The following ZFYVE19 variants were observed in gnomAD, a reference collection of about 807,000 sequenced individuals.
ZFYVE19 encodes abscission/NoCut checkpoint regulator.
A neutral mutation model predicts 62.8 loss-of-function variants in ZFYVE19; 49 were observed. That is an observed-to-expected ratio of 0.78 (90% confidence interval 0.62 to 0.99). ZFYVE19 has a LOEUF of 0.99. Among genes scored for constraint, ZFYVE19 ranks in the 50% least tolerant of loss-of-function variants. ZFYVE19 has a pLI of 0.00. For synonymous variants in ZFYVE19, 242 were observed against 234.3 expected, an observed-to-expected ratio of 1.03 and a Z score of -0.30; for missense variants, 630 against 601.9, an observed-to-expected ratio of 1.05 and a Z score of -0.49.
rs1283208476 is a variant in ZFYVE19 at position 40,814,248 on chromosome 15, A to G, written c.*22A>G. ...CTGAAGACACCCTGGTCCTCCCGGA[A>G]GGGCAGTCCCACAGGCAGCGGCACC... is the stretch of plus-strand genomic sequence containing the variant. On this transcript the variant is annotated 3_prime_UTR_variant, in exon 11 of 11. Transcript: ENST00000355341. 2.5e-6 allele frequency: 4 copies of G among 1,613,576 alleles called. No homozygotes were observed. The highest frequency in any genetic ancestry group is 3.4e-6 in the Non-Finnish European group (4 of 1,179,932).
Position 40,812,900 on chromosome 15 carries a change from G to T in ZFYVE19, c.1028G>T (p.Arg343Ile). The change falls in exon 7 of 11, where the codon AGA becomes ATA. Residue 343 changes from arginine (R) to isoleucine (I), a missense_variant and splice_region_variant. Coordinates refer to ENST00000355341, the MANE Select transcript of ZFYVE19 (RefSeq NM_001077268.2). ...LAMLRGQDPE[R>I]VTLQDYRLPD... is the part of the protein sequence containing the mutation. ...ATGCTGCGGGGACAGGACCCCGAGA[G>T]AGGTGAAGGCTGGGGAGCAGCTGCT... 6.2e-7 allele frequency: 1 copy of T among 1,610,086 alleles called. No individual in the cohort carries two copies.
At position 40,807,644 on chromosome 15, in the gene ZFYVE19, A is replaced by C; in HGVS notation, c.55A>C (p.Arg19=). 5 of 1,613,002 alleles carry C rather than the reference A, an allele frequency of 3.1e-6. No homozygotes were observed. The South Asian group carries it at 4.4e-5, about 14-fold the overall frequency. The change falls in exon 1 of 11, where the codon AGG becomes CGG. Residue 19 remains arginine, a synonymous_variant. Transcript: ENST00000355341. The part of the protein sequence containing the change: ...PLPPLPYAGC[R]RASGFPALGR... ...GCCGCCGCTGCCGTACGCTGGCTGC[A>C]GGAGAGCGTCCGGATTCCCTGCTCT...
chr15:40,814,108 G>A (rs1349586050), intron 10 of ZFYVE19, 38 bp downstream of exon 10: 1 of 1,614,186 alleles, frequency 6.2e-7, no homozygotes, highest in East Asian at 2.2e-5. Flanking sequence ...AGAGCTCAAG[G>A]GCTGCCTGGA....
chr15:40,814,021 C>G lies in ZFYVE19; in HGVS notation c.1288C>G (p.Leu430Val). 6.2e-7 allele frequency: 1 copy of G among 1,614,024 alleles called. No individual in the cohort carries two copies. The highest frequency in any genetic ancestry group is 8.5e-7 in the Non-Finnish European group (1 of 1,179,936). Residue 430 changes from leucine to valine, a missense_variant, in exon 10 of 11, where the codon CTA becomes GTA. Physicochemically the swap from Leu to Val is conservative, Grantham distance 32. Coordinates refer to ENST00000355341, the MANE Select transcript of ZFYVE19 (RefSeq NM_001077268.2). ...WCCICNEDATLRCAGCDGDLF... is the reference protein window; with the variant it reads ...WCCICNEDATVRCAGCDGDLF... ...CTGCATCTGCAATGAGGATGCCACC[C>G]TACGCTGCGCTGGCTGCGATGGGGA...
At position 40,807,767 on chromosome 15, in the gene ZFYVE19, G is replaced by A. The variant is rs1040774267; in HGVS notation, c.178G>A (p.Gly60Ser). Residue 60 changes from glycine to serine, a missense_variant, in exon 1 of 11, where the codon GGC (glycine) becomes AGC (serine). Transcript: ENST00000355341. ...TGAGGGTCCAAGGGGCCCAGGACTTGGCCGGCGTGATCTCAGCTCTGCAGA... is the reference window on the plus strand; with the variant it reads ...TGAGGGTCCAAGGGGCCCAGGACTTAGCCGGCGTGATCTCAGCTCTGCAGA... ...WGEGPRGPGL[G>S]RRDLSSADPA... The A allele has an allele frequency of 6.3e-7, 1 of 1,584,870 alleles. No individual in the cohort carries two copies.
Position 40,807,411 on chromosome 15 carries a change from C to G in ZFYVE19, c.-179C>G. 1 of 1,614,262 alleles carries G rather than the reference C, an allele frequency of 6.2e-7. No homozygotes were observed. Among genetic ancestry groups the G allele is most frequent in the Non-Finnish European group, 8.5e-7 (1 of 1,180,048 alleles). ...TCTCCTCAATGCCTAGCAGCGCGTACAGGTCCATCTGTAAGAGCTCCTTGG... is the reference window on the plus strand; with the variant it reads ...TCTCCTCAATGCCTAGCAGCGCGTAGAGGTCCATCTGTAAGAGCTCCTTGG... On this transcript the variant is annotated 5_prime_UTR_variant, in exon 1 of 11. The change creates a premature stop within an existing upstream ORF in the 5' untranslated region. Transcript: ENST00000355341.
At position 40,807,701 on chromosome 15, in the gene ZFYVE19, T is replaced by TGGGGTGGGGC. The variant is rs1555385017; in HGVS notation, c.116_117insTGGGGCGGGG (p.Gln43ArgfsTer13). On this transcript the variant is annotated frameshift_variant, in exon 1 of 11. Coordinates refer to ENST00000355341, the MANE Select transcript of ZFYVE19 (RefSeq NM_001077268.2). LOFTEE classifies it high-confidence loss of function. ...CGGCGGGACAGTGCCAGTGGGCGTG[T>TGGGGTGGGGC]GGGGCGGGGCAGGGCAGGGAAGGGA... The TGGGGTGGGGC allele has an allele frequency of 3.0e-5, 48 of 1,597,072 alleles. No individual in the cohort carries two copies. The highest frequency in any genetic ancestry group is 3.8e-5 in the Non-Finnish European group (45 of 1,172,612).
At chr15:40,810,289 T>G (rs947250633) in intron 5 of ZFYVE19, 73 bp downstream of exon 5, 598 of 1,565,176 alleles carry the variant, frequency 3.8e-4, no homozygotes, top group Non-Finnish European at 4.7e-4. Context: ...ATACAGGTAT[T>G]GGGGTGATAC....
In ZFYVE19 at chr15:40,810,170, T is replaced by C. The variant is rs1890435957; in HGVS notation, c.671T>C (p.Leu224Pro). The change falls in exon 5 of 11, where the codon CTT becomes CCT. Residue 224 changes from leucine (L) to proline (P), a missense_variant. By Grantham distance (98) the Leu-to-Pro change is moderately conservative. Transcript: ENST00000355341. Reference protein sequence around the residue: ...IPSTQEMEARLAALQGRVLPS... With the variant: ...IPSTQEMEARPAALQGRVLPS... The stretch of plus-strand genomic sequence containing the variant: ...TCCACCCAGGAAATGGAGGCACGAC[T>C]TGCAGCGTTGCAGGGCAGAGTTCTA... The C allele has an allele frequency of 3.7e-6, 6 of 1,614,198 alleles. No homozygotes were observed. The East Asian group carries it at 1.3e-4, about 36-fold the overall frequency.
Position 40,813,957 on chromosome 15 carries a change from C to T in ZFYVE19, c.1224C>T (p.Asp408=), listed in dbSNP as rs1233468381. The T allele has an allele frequency of 6.2e-7, 1 of 1,610,458 alleles. No homozygotes were observed. Among genetic ancestry groups the T allele is most frequent in the South Asian group, 1.1e-5 (1 of 90,440 alleles). The stretch of plus-strand genomic sequence containing the variant: ...GATCCCTGAAGGCCCAGGATGTGGA[C>T]CCCAGGCCTGAGGCTGAGGAAGAGG... ...RGAEPEAQDV[D]PRPEAEEEEL... Residue 408 remains aspartate, a synonymous_variant, in exon 10 of 11, where the codon GAC becomes GAT. Transcript: ENST00000355341.
chr15:40,808,984 G>C, intron 1 of ZFYVE19, 135 bp from the exon 2 acceptor site: 4 of 1,348,958 alleles, frequency 3.0e-6, no homozygotes, highest in Non-Finnish European at 4.1e-6. Flanking sequence ...AGGCCTTAGG[G>C]GCCCCACTCC....
Position 40,814,339 on chromosome 15 carries a change from G to T in ZFYVE19, c.*113G>T. 1 of 1,199,544 alleles carries T rather than the reference G, an allele frequency of 8.3e-7. No individual in the cohort carries two copies. The highest frequency in any genetic ancestry group is 2.1e-5 in the Admixed American group (1 of 48,666). The allele number at this position is 1,199,544 out of a possible 1,614,324, so 74.3% of individuals were successfully genotyped here. A position where few individuals can be genotyped will look rare whatever the true frequency, so the allele number is the denominator to read the frequency against. ...TGTCTGGCTCTACTGATGATGGATAGGCCCCTTCCTGAGCCTTGGTGTCCC... is the reference window on the plus strand; with the variant it reads ...TGTCTGGCTCTACTGATGATGGATATGCCCCTTCCTGAGCCTTGGTGTCCC... On this transcript the variant is annotated 3_prime_UTR_variant, in exon 11 of 11. Coordinates refer to ENST00000355341, the MANE Select transcript of ZFYVE19 (RefSeq NM_001077268.2).
At chr15:40,808,354 G>A (rs781750229) in intron 1 of ZFYVE19, 2 of 1,597,398 alleles carry the variant, frequency 1.3e-6, no homozygotes, top group Admixed American at 3.3e-5. Context: ...TCACAGACCT[G>A]CCAGATTCCT....
At chr15:40,809,998 G>A in intron 4 of ZFYVE19, 28 bp downstream of exon 4, 1 of 1,614,192 alleles carries the variant, frequency 6.2e-7, no homozygotes, top group African/African-American at 1.3e-5. Context: ...GGGTTGCCTA[G>A]AGGACACAGT....
At chr15:40,813,577 G>A in intron 8 of ZFYVE19, 136 bp from the exon 9 acceptor site, 1 of 1,143,010 alleles carries the variant, frequency 8.7e-7, no homozygotes, top group Admixed American at 2.4e-5. Flanking sequence ...CCTGGAGATA[G>A]GGAATCAGCA....
chr15:40,812,832 C>A lies in ZFYVE19; in HGVS notation c.960C>A (p.Asn320Lys), dbSNP rs779072132. The A allele has an allele frequency of 6.2e-7, 1 of 1,613,732 alleles. No individual in the cohort carries two copies. The highest frequency in any genetic ancestry group is 1.7e-5 in the Admixed American group (1 of 60,022). ...CAGCACTTGAGTTGCGGGAGGAGAA[C>A]ACGAGGCAGGAACGGATTCTGGCCC... ...AEAALELREE[N>K]TRQERILALA... Residue 320 changes from asparagine to lysine, a missense_variant, in exon 7 of 11, where the codon AAC becomes AAA. Transcript: ENST00000355341.
intron 3 of ZFYVE19, 29 bp from the exon 4 acceptor site, chr15:40,809,823 T>G (rs763236210): frequency 6.2e-7 from 1 of 1,610,160 alleles, no homozygotes. Flanking sequence ...TCTGCCTTCT[T>G]CAAGAGCCTC....
At chr15:40,807,987 T>A (rs939823281) in intron 1 of ZFYVE19, 119 bp downstream of exon 1, 4 of 1,265,802 alleles carry the variant, frequency 3.2e-6, no homozygotes, top group Non-Finnish European at 4.4e-6. Context: ...TTTGATGAAG[T>A]CATTGATCCT....
In ZFYVE19 at chr15:40,810,567, G is replaced by A. The variant is rs915715911; in HGVS notation, c.718-82G>A. Reference sequence around the variant, plus strand: ...GATCCCTCTCCTTTCCCTGGGCTTTGAGAACTACTTAGCATCCATCCCTGA... The same window carrying A: ...GATCCCTCTCCTTTCCCTGGGCTTTAAGAACTACTTAGCATCCATCCCTGA... On this transcript the variant is annotated intron_variant, in intron 5 of 10. Coordinates refer to ENST00000355341, the MANE Select transcript of ZFYVE19 (RefSeq NM_001077268.2). The A allele has an allele frequency of 2.0e-6, 3 of 1,518,884 alleles. No homozygotes were observed. The African/African-American group carries it at 4.2e-5, about 21-fold the overall frequency. The allele number at this position is 1,518,884 out of a possible 1,614,324, so 94.1% of individuals were successfully genotyped here. A position where few individuals can be genotyped will look rare whatever the true frequency, so the allele number is the denominator to read the frequency against.
Sources: allele counts gnomAD v4.1 joint callset, GRCh38; gene constraint gnomAD v4.1.1; transcripts MANE v1.5; gene names NCBI Gene and HGNC (gene_info 2026-07-23, HGNC 2026-07-21).